PCNX1: variants seen among roughly 807,000 people sequenced by gnomAD.
The protein encoded by PCNX1 is pecanex 1, also known as pecanex-like protein 1.
Under a neutral mutation model 242.2 loss-of-function variants are expected in PCNX1, and 78 were observed. That is an observed-to-expected ratio of 0.32 (90% CI 0.27 to 0.39). The LOEUF is 0.39. Among genes scored for constraint, PCNX1 ranks in the 10% least tolerant of loss-of-function variants. The pLI is 1.00. For missense variants in PCNX1, 2,581 were observed against 2,856.5 expected, an observed-to-expected ratio of 0.90 and a Z score of 2.20; for synonymous variants, 1,024 against 1,032.9, an observed-to-expected ratio of 0.99 and a Z score of 0.17.
At position 71,112,843 on chromosome 14, in the gene PCNX1, G is replaced by A. The variant is rs1486924526; in HGVS notation, c.*2908G>A. On this transcript the variant is annotated 3_prime_UTR_variant, in exon 36 of 36. Transcript: ENST00000304743. ...ATGATTGAAAACTTTGCTTTTTCTTGTTTAATTCTTCCGCCACCCCCTCTT... is the reference window on the plus strand; with the variant it reads ...ATGATTGAAAACTTTGCTTTTTCTTATTTAATTCTTCCGCCACCCCCTCTT... 6.6e-6 allele frequency: 1 copy of A among 151,988 alleles called. No homozygotes were observed. The highest frequency in any genetic ancestry group is 2.4e-5 in the African/African-American group (1 of 41,396). 9.4% of individuals were successfully genotyped at this position (151,988 alleles called of 1,614,324 possible).
intron 5 of PCNX1, 133 bp downstream of exon 5, chr14:70,969,243 T>C: frequency 1.5e-6 from 1 of 650,004 alleles, no homozygotes; most frequent in Non-Finnish European, 2.8e-6. Flanking sequence ...TAACATAAAA[T>C]GTTATGGTGA....
intron 26 of PCNX1, among the ~76,000 whole-genome samples, chr14:71,058,763 CAAATT>C (rs1411812296): frequency 1.3e-5 from 2 of 152,246 alleles, no homozygotes; most frequent in Non-Finnish European, 1.5e-5. Context: ...ATGCAGCACT[CAAATT>C]AATGCGGAGT....
chr14:71,102,915 GTTCA>G (rs1465022577), intron 31 of PCNX1, among the ~76,000 whole-genome samples: 7 of 152,110 alleles, frequency 4.6e-5, no homozygotes, highest in Non-Finnish European at 1.0e-4. Flanking sequence ...AAGTTAAATA[GTTCA>G]TTCTAACTTT....
chr14:70,909,805 CAATT>C lies in PCNX1; in HGVS notation c.153+1806_153+1809del, dbSNP rs544946539. Among the ~76,000 whole-genome samples, 20 of 152,200 alleles carry C rather than the reference CAATT, an allele frequency of 1.3e-4. No individual in the cohort carries two copies. In the South Asian group the frequency reaches 2.1e-3, roughly 16 times the overall value. ...GAGATTGCTTCTGACTTCCTTATCTCAATTAATGGCAGTCCCACTCTTCCCAAAC... is the reference window on the plus strand; with the variant it reads ...GAGATTGCTTCTGACTTCCTTATCTCAATGGCAGTCCCACTCTTCCCAAAC... On this transcript the variant is annotated intron_variant, in intron 1 of 35. Transcript: ENST00000304743.
At chr14:71,060,221 A>G (rs1340457901) in intron 26 of PCNX1, among the ~76,000 whole-genome samples, 1 of 152,160 alleles carries the variant, frequency 6.6e-6, no homozygotes, top group African/African-American at 2.4e-5. Context: ...ACTTGTGTTT[A>G]TGGTGATGCT....
intron 25 of PCNX1, 47 bp downstream of exon 25, chr14:71,055,609 TTA>T (rs757183075): frequency 1.6e-5 from 18 of 1,145,926 alleles, no homozygotes; most frequent in South Asian, 3.9e-5. Context: ...AGGATTTGTT[TTA>T]TATATATATG....
intron 28 of PCNX1, among the ~76,000 whole-genome samples, chr14:71,087,731 T>A (rs2062028820): frequency 6.6e-6 from 1 of 152,206 alleles, no homozygotes; most frequent in Admixed American, 6.5e-5. Flanking sequence ...TCTTTAGTAT[T>A]ATATAAGGTA....
intron 26 of PCNX1, among the ~76,000 whole-genome samples, chr14:71,069,070 A>G (rs2061527739): frequency 6.6e-6 from 1 of 152,178 alleles, no homozygotes; most frequent in African/African-American, 2.4e-5. Flanking sequence ...TGAAAGGCAT[A>G]TCTTACATGG....
At chr14:71,034,228 C>T (rs2060469127) in intron 18 of PCNX1, among the ~76,000 whole-genome samples, 192 bp downstream of exon 18, 1 of 152,050 alleles carries the variant, frequency 6.6e-6, no homozygotes, top group African/African-American at 2.4e-5. Flanking sequence ...ATTCCTCAGA[C>T]TTGGTTTGTG....
intron 33 of PCNX1, among the ~76,000 whole-genome samples, chr14:71,108,066 C>G (rs2062672675): frequency 6.6e-6 from 1 of 152,172 alleles, no homozygotes; most frequent in Non-Finnish European, 1.5e-5. Context: ...CCTCTTGACT[C>G]AGTGGAACTC....
chr14:70,948,910 C>T (rs2057594760), intron 2 of PCNX1, among the ~76,000 whole-genome samples: 3 of 144,442 alleles, frequency 2.1e-5, no homozygotes, highest in Admixed American at 2.1e-4. Context: ...CGTGTATATA[C>T]GTATATATGT....
intron 33 of PCNX1, among the ~76,000 whole-genome samples, 179 bp downstream of exon 33, chr14:71,105,619 T>A (rs958000739): frequency 8.6e-5 from 13 of 151,698 alleles, no homozygotes; most frequent in Non-Finnish European, 1.9e-4. Flanking sequence ...CTCGGCTCAC[T>A]GCAAGCTCCG....
chr14:71,073,182 C>T (rs1057300135), intron 26 of PCNX1, among the ~76,000 whole-genome samples: 2 of 152,138 alleles, frequency 1.3e-5, no homozygotes, highest in Non-Finnish European at 2.9e-5. Flanking sequence ...AATACCAGCT[C>T]CTCTGGAGGC....
intron 20 of PCNX1, among the ~76,000 whole-genome samples, chr14:71,046,234 G>A (rs1363604285): frequency 6.6e-6 from 1 of 152,018 alleles, no homozygotes; most frequent in East Asian, 1.9e-4. Context: ...TTTTAATGGT[G>A]AACTATTACT....
intron 26 of PCNX1, among the ~76,000 whole-genome samples, 185 bp from the exon 27 acceptor site, chr14:71,073,360 A>G (rs1308948881): frequency 1.3e-5 from 2 of 152,248 alleles, no homozygotes; most frequent in East Asian, 1.9e-4. Context: ...GCAGGATATG[A>G]ATATAGAATA....
chr14:70,950,839 T>A (rs963475761), intron 2 of PCNX1, among the ~76,000 whole-genome samples: 28 of 152,204 alleles, frequency 1.8e-4, no homozygotes, highest in African/African-American at 5.8e-4. Context: ...GAACTTTTTT[T>A]AAATAAAATA....
intron 28 of PCNX1, among the ~76,000 whole-genome samples, chr14:71,082,938 G>A (rs2061892349): frequency 6.6e-6 from 1 of 152,180 alleles, no homozygotes; most frequent in South Asian, 2.1e-4. Flanking sequence ...TTTCTTCATA[G>A]TGTCAGTGGT....
chr14:71,013,304 A>C, intron 11 of PCNX1, 102 bp downstream of exon 11: 1 of 930,172 alleles, frequency 1.1e-6, no homozygotes, highest in Non-Finnish European at 1.8e-6. Context: ...TCATGTTGGG[A>C]AATGTTTTCT....
intron 30 of PCNX1, among the ~76,000 whole-genome samples, chr14:71,098,049 C>G (rs1266210044): frequency 6.6e-6 from 1 of 152,176 alleles, no homozygotes; most frequent in Non-Finnish European, 1.5e-5. Context: ...GGAGTCCTTT[C>G]TCCATTGTGT....
Sources: gnomAD v4.1 joint callset for allele counts (sites outside exome capture counted in the v4.1 genomes callset) on GRCh38, gnomAD v4.1.1 for gene constraint, MANE v1.5 for transcripts, NCBI Gene and HGNC (gene_info 2026-07-23, HGNC 2026-07-21) for gene names.